Variants in MYBPHL observed in about 807,000 individuals in gnomAD.
The protein encoded by MYBPHL is myosin-binding protein H-like.
Under a neutral mutation model 39.5 loss-of-function variants are expected in MYBPHL, and 32 were observed. The ratio of observed to expected loss-of-function variants is 0.81; its 90% CI spans 0.61 to 1.09. MYBPHL has a LOEUF of 1.09. MYBPHL is among the 50% of genes least tolerant of loss of function. MYBPHL has a pLI of 0.00. For missense variants in MYBPHL, 456 were observed against 460.2 expected (o/e 0.99, Z 0.08); for synonymous variants, 196 against 183.7 (o/e 1.07, Z -0.54).
chr1:109,303,735 G>C (rs1363664655), intron 1 of MYBPHL, among the ~76,000 whole-genome samples: 1 of 152,096 alleles, frequency 6.6e-6, no homozygotes, highest in Non-Finnish European at 1.5e-5. Flanking sequence ...ATCTACACTT[G>C]GTCCTGTCAG....
rs956238444 is a variant in MYBPHL at position 109,296,494 on chromosome 1, A to G, written c.731-124T>C. On this transcript the variant is annotated intron_variant, in intron 5 of 8. Coordinates refer to ENST00000357155, the MANE Select transcript of MYBPHL (RefSeq NM_001010985.3). The stretch of plus-strand genomic sequence containing the variant: ...CACTCTATTGCCCAGGCTGGAGTGC[A>G]GTGGCACGATCTCAGCTCACTGCAA... The G allele has an allele frequency of 3.0e-5, 38 of 1,250,614 alleles. No individual in the cohort carries two copies. In the Admixed American group the frequency reaches 8.9e-4, roughly 29 times the overall value. The allele number at this position is 1,250,614 out of a possible 1,614,324, so 77.5% of individuals were successfully genotyped here.
At chr1:109,296,651 C>G (rs1658075015) in intron 5 of MYBPHL, 132 bp downstream of exon 5, 1 of 1,081,308 alleles carries the variant, frequency 9.2e-7, no homozygotes, top group Non-Finnish European at 1.4e-6. Context: ...GTTGTCCAGG[C>G]TGGTCTTGAA....
intron 1 of MYBPHL, among the ~76,000 whole-genome samples, chr1:109,299,301 C>A (rs1478659365): frequency 6.6e-6 from 1 of 152,174 alleles, no homozygotes; most frequent in Admixed American, 6.5e-5. Context: ...GAACTTCACC[C>A]CTGGTACATT....
rs912607471 is a variant in MYBPHL, at chr1:109,297,439, A to G, written c.413T>C (p.Ile138Thr). 4.3e-5 allele frequency: 70 copies of G among 1,612,324 alleles called. No homozygotes were observed. The highest frequency in any genetic ancestry group is 5.5e-5 in the Non-Finnish European group (65 of 1,179,806). ...CACCGTACCAATCACCAGGATGTCA[A>G]TGGTGGCGGTGGCCTCCAGCCCACC... ...QLGGLEATATIDILVIERPGP... is the reference protein window; with the variant it reads ...QLGGLEATATTDILVIERPGP... Residue 138 changes from isoleucine (I) to threonine (T), a missense_variant, in exon 3 of 9, where the codon ATT becomes ACT. By Grantham distance (89) the Ile-to-Thr change is moderately conservative. Transcript: ENST00000357155.
intron 1 of MYBPHL, among the ~76,000 whole-genome samples, chr1:109,300,466 G>A (rs1204237692): frequency 6.6e-6 from 1 of 152,204 alleles, no homozygotes; most frequent in African/African-American, 2.4e-5. Context: ...AGGCCTTCAT[G>A]CCTGACAGAA....
In MYBPHL at chr1:109,293,837, G is replaced by A. The variant is rs112367839; in HGVS notation, c.*33+369C>T. Among the ~76,000 whole-genome samples the A allele has an allele frequency of 4.0e-3, 611 of 152,282 alleles. 2 individuals are homozygous for A. Among genetic ancestry groups the A allele is most frequent in the African/African-American group, 0.014 (571 of 41,534 alleles). On this transcript the variant is annotated intron_variant, in intron 8 of 8. Coordinates refer to ENST00000357155, the MANE Select transcript of MYBPHL (RefSeq NM_001010985.3). ...CCAGCACTTTGGGAGGCCGAGGTGAGTGAATCACTTGAGGTCAGGAGTTCG... is the reference window on the plus strand; with the variant it reads ...CCAGCACTTTGGGAGGCCGAGGTGAATGAATCACTTGAGGTCAGGAGTTCG...
At position 109,295,092 on chromosome 1, in the gene MYBPHL, G is replaced by C; in HGVS notation, c.1054+19C>G. ...AGGTGACTGGCACCCTAAGGCACTA[G>C]TTCTCCTCTTGCCCTTACCTTTCAC... is the stretch of plus-strand genomic sequence containing the variant. On this transcript the variant is annotated intron_variant, in intron 7 of 8. Transcript: ENST00000357155. 1 of 1,610,902 alleles carries C rather than the reference G, an allele frequency of 6.2e-7. No individual in the cohort carries two copies. The highest frequency in any genetic ancestry group is 8.5e-7 in the Non-Finnish European group (1 of 1,178,780).
chr1:109,294,458 T>C (rs1657982827), intron 7 of MYBPHL, among the ~76,000 whole-genome samples: 2 of 152,160 alleles, frequency 1.3e-5, no homozygotes, highest in Non-Finnish European at 2.9e-5. Context: ...CTACTGTGTG[T>C]CAGAAACTGG....
intron 1 of MYBPHL, among the ~76,000 whole-genome samples, chr1:109,299,385 T>C (rs900865076): frequency 2.0e-5 from 3 of 152,248 alleles, no homozygotes; most frequent in Non-Finnish European, 4.4e-5. Context: ...GTGAAAATAC[T>C]TCCCTGAGCA....
intron 8 of MYBPHL, 115 bp downstream of exon 8, chr1:109,294,091 G>T: frequency 2.8e-6 from 2 of 706,170 alleles, no homozygotes; most frequent in South Asian, 1.7e-5. Context: ...AACAAAAGTG[G>T]CCACCAGTGG....
intron 6 of MYBPHL, among the ~76,000 whole-genome samples, chr1:109,295,578 C>G (rs1658032150): frequency 6.6e-6 from 1 of 152,214 alleles, no homozygotes; most frequent in African/African-American, 2.4e-5. Flanking sequence ...CAGGCAGCCC[C>G]TTTATGGATC....
intron 1 of MYBPHL, among the ~76,000 whole-genome samples, chr1:109,302,033 A>ATGAGTG (rs1658302751): frequency 6.6e-6 from 1 of 151,658 alleles, no homozygotes; most frequent in Non-Finnish European, 1.5e-5. Context: ...GTGTGTTTGT[A>ATGAGTG]TGAGTGTGTA....
chr1:109,298,065 T>A (rs1658147702), intron 2 of MYBPHL, 104 bp downstream of exon 2: 2 of 973,576 alleles, frequency 2.1e-6, no homozygotes, highest in Non-Finnish European at 1.5e-6. Flanking sequence ...TATCCAAGGC[T>A]GGGAAGATTG....
chr1:109,301,906 G>A (rs1057192600), intron 1 of MYBPHL, among the ~76,000 whole-genome samples: 13 of 152,268 alleles, frequency 8.5e-5, no homozygotes, highest in Middle Eastern at 3.4e-3. Flanking sequence ...CCTTTTATGG[G>A]ATCAGTCTTT....
chr1:109,302,184 G>A (rs767534727), intron 1 of MYBPHL, among the ~76,000 whole-genome samples: 3 of 152,014 alleles, frequency 2.0e-5, no homozygotes, highest in Non-Finnish European at 4.4e-5. Context: ...GAGAGAGGGA[G>A]CCTGCATACA....
At chr1:109,304,976 A>T (rs1658412857) in intron 1 of MYBPHL, among the ~76,000 whole-genome samples, 1 of 152,084 alleles carries the variant, frequency 6.6e-6, no homozygotes, top group Non-Finnish European at 1.5e-5. Flanking sequence ...AAGGAAGAGG[A>T]GTTAGGAGGA....
In MYBPHL at chr1:109,292,600, G is replaced by A. The variant is rs1657906352; in HGVS notation, c.*34-12C>T. On this transcript the variant is annotated splice_polypyrimidine_tract_variant and intron_variant, in intron 8 of 8. Coordinates refer to ENST00000357155, the MANE Select transcript of MYBPHL (RefSeq NM_001010985.3). ...TTGCTGGGCACTGGCTGTGAGAGAGGGAAAGGGGCAACTAACACGAACACA... is the reference window on the plus strand; with the variant it reads ...TTGCTGGGCACTGGCTGTGAGAGAGAGAAAGGGGCAACTAACACGAACACA... 3 of 152,230 alleles carry A rather than the reference G, an allele frequency of 2.0e-5. No individual in the cohort carries two copies. Among genetic ancestry groups the A allele is most frequent in the Admixed American group, 1.3e-4 (2 of 15,276 alleles). The allele number at this position is 152,230 out of a possible 1,614,324, so 9.4% of individuals were successfully genotyped here.
chr1:109,296,712 T>TA, intron 5 of MYBPHL, 71 bp downstream of exon 5: 1 of 1,577,756 alleles, frequency 6.3e-7, no homozygotes, highest in Non-Finnish European at 8.7e-7. Context: ...GTGCTGGAAT[T>TA]AGAGGCGTGA....
chr1:109,302,129 GTGAA>G (rs1658312508), intron 1 of MYBPHL, among the ~76,000 whole-genome samples: 2 of 151,942 alleles, frequency 1.3e-5, no homozygotes, highest in African/African-American at 4.8e-5. Context: ...ACGTGTGTCT[GTGAA>G]TGGTGTGTGT....
Sources: gnomAD v4.1 joint callset for allele counts (sites outside exome capture counted in the v4.1 genomes callset) on GRCh38, gnomAD v4.1.1 for gene constraint, MANE v1.5 for transcripts, NCBI Gene and HGNC (gene_info 2026-07-23, HGNC 2026-07-21) for gene names.